NOX4: variants seen among roughly 807,000 people sequenced by gnomAD.
NOX4 encodes the protein NADPH oxidase 4, also known as kidney oxidase-1.
Under a neutral mutation model 87.6 loss-of-function variants are expected in NOX4, and 69 were observed. The ratio of observed to expected loss-of-function variants is 0.79; its 90% confidence interval spans 0.65 to 0.96. The LOEUF is 0.96. Ranked by LOEUF, NOX4 falls within the 40% of genes least tolerant of loss-of-function variation. The pLI, the probability that NOX4 is intolerant of heterozygous loss-of-function variation, is 0.00. For missense variants in NOX4, 680 were observed against 681.5 expected (o/e 1.00, Z 0.02); for synonymous variants, 275 against 238.2 (o/e 1.15, Z -1.42).
chr11:89,488,135 A>G (rs754724044), intron 2 of NOX4, among the ~76,000 whole-genome samples: 1 of 152,134 alleles, frequency 6.6e-6, no homozygotes, highest in South Asian at 2.1e-4. Flanking sequence ...GAGAATACTT[A>G]CCAGATAGCT....
intron 2 of NOX4, among the ~76,000 whole-genome samples, chr11:89,472,911 G>A (rs1489590020): frequency 1.3e-5 from 2 of 152,110 alleles, no homozygotes; most frequent in Non-Finnish European, 2.9e-5. Context: ...CCTCTACCAA[G>A]GCCACTTGTC....
At chr11:89,545,918 T>A in the NOX4 span, among the ~76,000 whole-genome samples, 1 of 152,178 alleles carries the variant, frequency 6.6e-6, no homozygotes. Flanking sequence ...AAAATGAGTC[T>A]GCCTGCATTG....
intron 12 of NOX4, among the ~76,000 whole-genome samples, chr11:89,356,730 C>A (rs1938089781): frequency 6.6e-6 from 1 of 152,070 alleles, no homozygotes; most frequent in African/African-American, 2.4e-5. Flanking sequence ...CCTCTTTCTT[C>A]TTCTAGTAGA....
rs533509245 is a variant in NOX4, at chr11:89,333,911, C to T, written c.1616+1934G>A. 1.1e-4 allele frequency among the ~76,000 whole-genome samples: 16 copies of T among 151,846 alleles called. No homozygotes were observed. The South Asian group carries it at 3.3e-3, about 31-fold the overall frequency. Reference sequence around the variant, plus strand: ...GTCAACAGCAGATGGTGCACATTTGCTCTTCTTAAACCAGTTTTCCATTGT... The same window carrying T: ...GTCAACAGCAGATGGTGCACATTTGTTCTTCTTAAACCAGTTTTCCATTGT... On this transcript the variant is annotated intron_variant, in intron 17 of 17. Transcript: ENST00000263317.
chr11:89,375,034 T>C (rs1284935136), intron 11 of NOX4, among the ~76,000 whole-genome samples: 2 of 152,060 alleles, frequency 1.3e-5, no homozygotes, highest in African/African-American at 2.4e-5. Flanking sequence ...ACACTAAATA[T>C]AAAGGTAGGT....
At chr11:89,584,988 A>T in the NOX4 span, among the ~76,000 whole-genome samples, 2 of 152,050 alleles carry the variant, frequency 1.3e-5, no homozygotes, top group African/African-American at 4.8e-5. Context: ...TTTTTGGTAT[A>T]ATTACTTCTA....
At chr11:89,420,728 G>T (rs1943037672) in intron 8 of NOX4, among the ~76,000 whole-genome samples, 1 of 152,124 alleles carries the variant, frequency 6.6e-6, no homozygotes, top group South Asian at 2.1e-4. Context: ...ACTAAACAAA[G>T]GTCTGAACCT....
intron 6 of NOX4, among the ~76,000 whole-genome samples, chr11:89,438,360 TTATATAATA>T (rs957204943): frequency 1.8e-5 from 2 of 113,058 alleles, no homozygotes; most frequent in South Asian, 2.6e-4. Flanking sequence ...ATACTATATA[TTATATAATA>T]TATATAATAT....
At chr11:89,509,572 T>C in the NOX4 span, among the ~76,000 whole-genome samples, 2 of 151,978 alleles carry the variant, frequency 1.3e-5, no homozygotes, top group East Asian at 1.9e-4. Context: ...GTAAGATAAA[T>C]ACATAAAGAT....
chr11:89,508,840 C>T, the NOX4 span, among the ~76,000 whole-genome samples: 1 of 152,008 alleles, frequency 6.6e-6, no homozygotes, highest in African/African-American at 2.4e-5. Context: ...TTGTCAAGTT[C>T]ACAAAGCAAC....
chr11:89,372,823 T>C (rs1452107139), intron 12 of NOX4, among the ~76,000 whole-genome samples: 1 of 152,012 alleles, frequency 6.6e-6, no homozygotes, highest in East Asian at 1.9e-4. Flanking sequence ...GAGTACTCAC[T>C]TGTCAGTTAC....
intron 11 of NOX4, among the ~76,000 whole-genome samples, chr11:89,398,502 T>G (rs926632951): frequency 6.6e-6 from 1 of 151,752 alleles, no homozygotes; most frequent in Non-Finnish European, 1.5e-5. Flanking sequence ...AACTCAGGAT[T>G]AGGCAAAACT....
At chr11:89,372,060 C>T (rs1334334361) in intron 12 of NOX4, among the ~76,000 whole-genome samples, 1 of 151,732 alleles carries the variant, frequency 6.6e-6, no homozygotes, top group Non-Finnish European at 1.5e-5. Context: ...CAAAACACAT[C>T]TTTCTTATTA....
the NOX4 span, among the ~76,000 whole-genome samples, chr11:89,553,904 G>C: frequency 6.7e-6 from 1 of 150,182 alleles, no homozygotes; most frequent in Non-Finnish European, 1.5e-5. Flanking sequence ...AATGACAAGA[G>C]GTAGTTTTGC....
At chr11:89,415,132 T>G (rs1942689563) in intron 8 of NOX4, among the ~76,000 whole-genome samples, 1 of 152,034 alleles carries the variant, frequency 6.6e-6, no homozygotes, top group Admixed American at 6.6e-5. Context: ...ATAGAAGAAC[T>G]TATAGTACTG....
the NOX4 span, among the ~76,000 whole-genome samples, chr11:89,579,754 G>A: frequency 6.6e-6 from 1 of 152,056 alleles, no homozygotes; most frequent in African/African-American, 2.4e-5. Context: ...AGGGAACTTT[G>A]TACTTCCTAC....
intron 2 of NOX4, among the ~76,000 whole-genome samples, chr11:89,462,083 C>T (rs145816374): frequency 2.1e-4 from 31 of 150,812 alleles, no homozygotes; most frequent in Non-Finnish European, 3.0e-4. Context: ...TATAAAATGG[C>T]GACAGATATT....
chr11:89,437,835 T>C (rs1944159039), intron 6 of NOX4, among the ~76,000 whole-genome samples: 1 of 152,056 alleles, frequency 6.6e-6, no homozygotes, highest in Non-Finnish European at 1.5e-5. Flanking sequence ...GATACCAAGT[T>C]TGAGAATGCT....
the NOX4 span, among the ~76,000 whole-genome samples, chr11:89,582,257 T>C: frequency 6.6e-6 from 1 of 152,254 alleles, no homozygotes; most frequent in South Asian, 2.1e-4. Flanking sequence ...ACACTATATA[T>C]TCCATATTTT....
Sources: allele counts gnomAD v4.1 joint callset (sites outside exome capture counted in the v4.1 genomes callset), GRCh38; gene constraint gnomAD v4.1.1; transcripts MANE v1.5; gene names NCBI Gene and HGNC (gene_info 2026-07-23, HGNC 2026-07-21).